Variants in INSL6 observed in about 807,000 individuals in gnomAD.
INSL6 encodes insulin-like peptide INSL6.
INSL6 carries 16 observed loss-of-function variants against 9.4 expected under a neutral mutation model. The ratio of observed to expected loss-of-function variants is 1.70; its 90% CI spans 1.15 to 2.59. The LOEUF is 2.59. Ranked by LOEUF, INSL6 falls within the 30% of genes most tolerant of loss-of-function variation. The pLI, the probability that INSL6 is intolerant of heterozygous loss-of-function variation, is 0.00. For missense variants in INSL6, 391 were observed against 257.3 expected (o/e 1.52, Z -3.56); for synonymous variants, 154 against 96.9 (o/e 1.59, Z -3.46).
At chr9:5,029,845 C>T in the INSL6 span, 6 of 1,610,418 alleles carry the variant, frequency 3.7e-6, no homozygotes, top group East Asian at 2.2e-5. Flanking sequence ...GATCTGGTAT[C>T]CACCCAACCA....
At chr9:5,113,042 C>G in the INSL6 span, among the ~76,000 whole-genome samples, 2 of 152,056 alleles carry the variant, frequency 1.3e-5, no homozygotes, top group South Asian at 4.1e-4. Context: ...AGGAAGGTGA[C>G]GCTGGGTCCA....
chr9:5,176,029 T>C (rs1465661979), intron 1 of INSL6, among the ~76,000 whole-genome samples: 4 of 152,264 alleles, frequency 2.6e-5, no homozygotes, highest in East Asian at 3.9e-4. Context: ...ACCAAAAAGG[T>C]TGGGGATTAC....
chr9:5,004,603 T>A, the INSL6 span, among the ~76,000 whole-genome samples: 2 of 152,284 alleles, frequency 1.3e-5, no homozygotes, highest in African/African-American at 4.8e-5. Flanking sequence ...AGCATGGGAG[T>A]GTAGATATTG....
At chr9:5,025,696 C>A in the INSL6 span, among the ~76,000 whole-genome samples, 1 of 152,054 alleles carries the variant, frequency 6.6e-6, no homozygotes, top group Non-Finnish European at 1.5e-5. Flanking sequence ...CCACACCCAG[C>A]TAATTTTTGT....
chr9:5,087,384 C>G, the INSL6 span, among the ~76,000 whole-genome samples: 1 of 152,172 alleles, frequency 6.6e-6, no homozygotes, highest in Non-Finnish European at 1.5e-5. Context: ...GATTCAGTTG[C>G]CTCCCACCAG....
chr9:5,042,372 C>A, the INSL6 span, among the ~76,000 whole-genome samples: 2 of 151,908 alleles, frequency 1.3e-5, no homozygotes, highest in African/African-American at 4.8e-5. Flanking sequence ...CTCCTGACCT[C>A]ATGATCCACC....
chr9:5,090,219 G>GAGTT, the INSL6 span, among the ~76,000 whole-genome samples: 4 of 152,292 alleles, frequency 2.6e-5, no homozygotes, highest in African/African-American at 9.6e-5. Context: ...TTTGCCTGAA[G>GAGTT]AGTTATAGAA....
the INSL6 span, chr9:5,114,614 G>A: frequency 6.2e-6 from 3 of 486,800 alleles, no homozygotes; most frequent in African/African-American, 2.0e-5. Context: ...ACAACGAGGT[G>A]CAGCTCCCGG....
chr9:5,116,502 A>G, the INSL6 span, among the ~76,000 whole-genome samples: 1 of 152,220 alleles, frequency 6.6e-6, no homozygotes, highest in Non-Finnish European at 1.5e-5. Context: ...CCATATCCCC[A>G]GTGATACATG....
At chr9:5,177,941 T>G (rs935577553) in intron 1 of INSL6, among the ~76,000 whole-genome samples, 1 of 152,150 alleles carries the variant, frequency 6.6e-6, no homozygotes, top group Non-Finnish European at 1.5e-5. Context: ...AGTGGCGTGA[T>G]CTTGGCTCAC....
intron 1 of INSL6, among the ~76,000 whole-genome samples, chr9:5,177,603 G>T (rs1825340429): frequency 6.6e-6 from 1 of 152,230 alleles, no homozygotes; most frequent in African/African-American, 2.4e-5. Flanking sequence ...GCTGAATCCA[G>T]GGAGCCAAGC....
the INSL6 span, among the ~76,000 whole-genome samples, chr9:5,009,742 C>G: frequency 6.6e-6 from 1 of 151,826 alleles, no homozygotes; most frequent in Non-Finnish European, 1.5e-5. Context: ...CTTATAGATG[C>G]CTTCCTCTGT....
In INSL6 at chr9:5,164,094, T is replaced by A. The variant is rs138452027; in HGVS notation, c.461A>T (p.Lys154Ile). 8.7e-6 allele frequency: 14 copies of A among 1,613,316 alleles called. No individual in the cohort carries two copies. Among genetic ancestry groups the A allele is most frequent in the Middle Eastern group, 1.7e-4 (1 of 6,056 alleles). The change falls in exon 2 of 2, where the codon AAA becomes ATA. Residue 154 changes from lysine (K) to isoleucine (I), a missense_variant. By Grantham distance (102) the Lys-to-Ile change is moderately radical. Coordinates refer to ENST00000381641, the MANE Select transcript of INSL6 (RefSeq NM_007179.3). ...NAKFQKKRRN[K>I]IKTLSNLFWG... ...AAACAAATTGCTTAAGGTTTTAATT[T>A]TGTTTCTACGTTTCTTCTGAAATTT...
chr9:5,121,684 G>C (rs868237680), downstream of INSL6, among the ~76,000 whole-genome samples: 24 of 152,268 alleles, frequency 1.6e-4, no homozygotes, highest in South Asian at 6.2e-4. Flanking sequence ...ACTTCAAAAA[G>C]ACAAAGAATT....
downstream of INSL6, among the ~76,000 whole-genome samples, chr9:5,162,709 A>G (rs1217064559): frequency 6.6e-6 from 1 of 152,264 alleles, no homozygotes; most frequent in Non-Finnish European, 1.5e-5. Context: ...CTGATTAAAA[A>G]CATTCAAAAA....
intron 2 of INSL6, among the ~76,000 whole-genome samples, chr9:5,153,468 C>A (rs1372014730): frequency 1.3e-5 from 2 of 151,986 alleles, no homozygotes; most frequent in African/African-American, 4.8e-5. Context: ...AGCAAGGCCA[C>A]CGTGGAAAGA....
At chr9:5,131,639 C>T (rs925624274) in intron 3 of INSL6, among the ~76,000 whole-genome samples, 1 of 151,872 alleles carries the variant, frequency 6.6e-6, no homozygotes, top group Non-Finnish European at 1.5e-5. Flanking sequence ...AGGGTTTCAC[C>T]GTGTTGGTCA....
the INSL6 span, among the ~76,000 whole-genome samples, chr9:5,086,923 T>TATC: frequency 6.6e-6 from 1 of 152,220 alleles, no homozygotes; most frequent in African/African-American, 2.4e-5. Context: ...TCCACAATTA[T>TATC]ATCACCCCCC....
At chr9:5,010,068 A>C in the INSL6 span, among the ~76,000 whole-genome samples, 1 of 152,142 alleles carries the variant, frequency 6.6e-6, no homozygotes, top group Non-Finnish European at 1.5e-5. Context: ...CATCGCACCT[A>C]GCCTATGTAT....
Sources: allele counts gnomAD v4.1 joint callset (sites outside exome capture counted in the v4.1 genomes callset), GRCh38; gene constraint gnomAD v4.1.1; transcripts MANE v1.5; gene names NCBI Gene and HGNC (gene_info 2026-07-23, HGNC 2026-07-21).